The following MYO3B variants were observed in gnomAD, a reference collection of about 807,000 sequenced individuals.
MYO3B encodes the protein myosin-IIIb.
In MYO3B, 156 loss-of-function variants were observed where a neutral mutation model predicts 174.6. That is an observed-to-expected ratio of 0.89 (90% CI 0.78 to 1.02). MYO3B has a LOEUF of 1.02. Ranked by LOEUF, MYO3B falls within the 50% of genes least tolerant of loss-of-function variation. The pLI, the probability that MYO3B is intolerant of heterozygous loss-of-function variation, is 0.00. For synonymous variants in MYO3B, 563 were observed against 569.1 expected, an observed-to-expected ratio of 0.99 and a Z score of 0.15; for missense variants, 1,632 against 1,639.4, an observed-to-expected ratio of 1.00 and a Z score of 0.08.
chr2:170,630,834 CT>C (rs1696898246), intron 32 of MYO3B, among the ~76,000 whole-genome samples: 2 of 152,246 alleles, frequency 1.3e-5, no homozygotes, highest in South Asian at 4.1e-4. Flanking sequence ...AGAAGGAAAA[CT>C]AACAAACACA....
intron 6 of MYO3B, among the ~76,000 whole-genome samples, chr2:170,222,759 A>G (rs914237020): frequency 6.6e-6 from 1 of 152,170 alleles, no homozygotes; most frequent in African/African-American, 2.4e-5. Flanking sequence ...ACTTAAATGT[A>G]TCTTTTTTTT....
At chr2:170,320,551 T>C (rs2093817949) in intron 7 of MYO3B, among the ~76,000 whole-genome samples, 1 of 152,176 alleles carries the variant, frequency 6.6e-6, no homozygotes, top group South Asian at 2.1e-4. Context: ...GAATGTTTCA[T>C]GGGCACTTGA....
chr2:170,586,574 C>T (rs573341639), intron 32 of MYO3B, among the ~76,000 whole-genome samples: 1 of 152,058 alleles, frequency 6.6e-6, no homozygotes, highest in Non-Finnish European at 1.5e-5. Context: ...ATTTTGATGT[C>T]TTTTATTTTT....
chr2:170,495,330 C>T (rs1208550225), intron 25 of MYO3B, among the ~76,000 whole-genome samples: 2 of 152,034 alleles, frequency 1.3e-5, no homozygotes, highest in Non-Finnish European at 2.9e-5. Context: ...AAAATTATTC[C>T]GTGAAGGAAA....
intron 7 of MYO3B, among the ~76,000 whole-genome samples, chr2:170,269,910 G>A (rs1339483539): frequency 2.0e-5 from 3 of 152,160 alleles, no homozygotes; most frequent in Admixed American, 2.0e-4. Flanking sequence ...TCGGTGAGGA[G>A]CAGGGCAGGA....
Position 170,486,791 on chromosome 2 carries a change from C to G in MYO3B, c.3015-11801C>G, listed in dbSNP as rs148637272. On this transcript the variant is annotated intron_variant, in intron 25 of 34. Transcript: ENST00000408978. ...TCCCCAGCTCCTGAAGTAGCCCATT[C>G]CCTGTGTCGAGATGTCTGATCACCA... Among the ~76,000 whole-genome samples the G allele has an allele frequency of 7.6e-4, 116 of 152,284 alleles. 1 individual carries two copies. Among genetic ancestry groups the G allele is most frequent in the Admixed American group, 1.8e-3 (28 of 15,302 alleles).
chr2:170,242,782 C>T (rs1302143524), intron 7 of MYO3B, among the ~76,000 whole-genome samples: 1 of 152,190 alleles, frequency 6.6e-6, no homozygotes, highest in East Asian at 1.9e-4. Flanking sequence ...GCACAACTGA[C>T]TGTGGCTAAT....
At chr2:170,535,191 TTACAA>T (rs1245452222) in intron 30 of MYO3B, among the ~76,000 whole-genome samples, 1 of 152,208 alleles carries the variant, frequency 6.6e-6, no homozygotes, top group African/African-American at 2.4e-5. Context: ...TCCCCAGTAC[TTACAA>T]TAGTAGGAGA....
At chr2:170,297,749 A>G (rs1399851547) in intron 7 of MYO3B, among the ~76,000 whole-genome samples, 1 of 152,204 alleles carries the variant, frequency 6.6e-6, no homozygotes, top group African/African-American at 2.4e-5. Flanking sequence ...CACATTTAGT[A>G]AAACACTGAA....
intron 1 of MYO3B, among the ~76,000 whole-genome samples, chr2:170,185,049 GATC>G (rs1008358201): frequency 8.3e-6 from 1 of 120,468 alleles, no homozygotes; most frequent in Non-Finnish European, 2.0e-5. Flanking sequence ...AGAGTTGTTT[GATC>G]TCCTTATATA....
At chr2:170,495,478 C>G (rs139377321) in intron 25 of MYO3B, among the ~76,000 whole-genome samples, 77 of 151,948 alleles carry the variant, frequency 5.1e-4, no homozygotes, top group African/African-American at 1.8e-3. Flanking sequence ...ATATTATTAT[C>G]ATAATAAATT....
At chr2:170,328,522 C>A (rs1559390778) in intron 7 of MYO3B, among the ~76,000 whole-genome samples, 1 of 152,162 alleles carries the variant, frequency 6.6e-6, no homozygotes, top group Non-Finnish European at 1.5e-5. Context: ...TATATTCTCT[C>A]TTTGCATTCA....
At position 170,178,160 on chromosome 2, in the gene MYO3B, T is replaced by C; in HGVS notation, c.-128T>C. 3.4e-6 allele frequency: 4 copies of C among 1,163,438 alleles called. No individual in the cohort carries two copies. Among genetic ancestry groups the C allele is most frequent in the Non-Finnish European group, 5.2e-6 (4 of 770,188 alleles). 72.1% of individuals were successfully genotyped at this position (1,163,438 alleles called of 1,614,324 possible). ...CTCTTGGAACCTAGATCGAAAGTCC[T>C]TTGGTAATGATGTGTCATACATTCT... is the stretch of plus-strand genomic sequence containing the variant. On this transcript the variant is annotated 5_prime_UTR_variant, in exon 1 of 35. Transcript: ENST00000408978.
At chr2:170,612,331 C>T (rs538523222) in intron 32 of MYO3B, among the ~76,000 whole-genome samples, 37 of 152,180 alleles carry the variant, frequency 2.4e-4, no homozygotes, top group Non-Finnish European at 4.0e-4. Flanking sequence ...AGCTTGGCAG[C>T]GCCAGTGCTC....
intron 26 of MYO3B, 24 bp downstream of exon 26, chr2:170,498,727 A>T: frequency 7.0e-7 from 1 of 1,423,680 alleles, no homozygotes; most frequent in South Asian, 1.2e-5. Context: ...TATTGTTCAA[A>T]TTGTCCCGTA....
chr2:170,631,003 C>T (rs374182748), intron 32 of MYO3B, among the ~76,000 whole-genome samples: 2 of 152,214 alleles, frequency 1.3e-5, no homozygotes, highest in East Asian at 3.8e-4. Flanking sequence ...CCCTTCTCCT[C>T]CAAAGGAACG....
chr2:170,262,516 T>G (rs554060061), intron 7 of MYO3B, among the ~76,000 whole-genome samples: 1 of 152,252 alleles, frequency 6.6e-6, no homozygotes, highest in Non-Finnish European at 1.5e-5. Flanking sequence ...GTGAGGAGCC[T>G]GTAACAAGCT....
intron 3 of MYO3B, among the ~76,000 whole-genome samples, chr2:170,209,252 T>C (rs1306923634): frequency 1.3e-5 from 2 of 152,190 alleles, no homozygotes; most frequent in Non-Finnish European, 2.9e-5. Context: ...CACAACTAGT[T>C]TCCAAATTCT....
intron 7 of MYO3B, among the ~76,000 whole-genome samples, chr2:170,312,904 C>T (rs1231191798): frequency 6.6e-6 from 1 of 152,162 alleles, no homozygotes; most frequent in Admixed American, 6.5e-5. Context: ...TTTTCACCTA[C>T]ATACCTGCAA....
Sources: allele counts gnomAD v4.1 joint callset (sites outside exome capture counted in the v4.1 genomes callset), GRCh38; gene constraint gnomAD v4.1.1; transcripts MANE v1.5; gene names NCBI Gene and HGNC (gene_info 2026-07-23, HGNC 2026-07-21).